Variants in SORCS2 observed in about 807,000 individuals in gnomAD.
SORCS2 encodes sortilin related VPS10 domain containing receptor 2, also known as VPS10 domain-containing receptor SorCS2.
In SORCS2, 100 loss-of-function variants were observed where a neutral mutation model predicts 141.6. The observed-to-expected ratio is 0.71, with a 90% CI of 0.60 to 0.83. The LOEUF is 0.83. Among genes scored for constraint, SORCS2 ranks in the 40% least tolerant of loss-of-function variants. The pLI, the probability that SORCS2 is intolerant of heterozygous loss-of-function variation, is 0.00. For missense variants in SORCS2, 1,646 were observed against 1,560.2 expected, an observed-to-expected ratio of 1.05 and a Z score of -0.93; for synonymous variants, 789 against 676.9, an observed-to-expected ratio of 1.17 and a Z score of -2.57.
At chr4:7,391,720 C>G (rs573628799) in intron 1 of SORCS2, among the ~76,000 whole-genome samples, 2 of 152,166 alleles carry the variant, frequency 1.3e-5, no homozygotes, top group Non-Finnish European at 2.9e-5. Context: ...CCCGCCAAAC[C>G]CTTTCTTTTC....
intron 1 of SORCS2, among the ~76,000 whole-genome samples, chr4:7,231,772 C>T (rs1010859378): frequency 6.6e-6 from 1 of 152,118 alleles, no homozygotes; most frequent in Non-Finnish European, 1.5e-5. Context: ...GGCCTTTGCA[C>T]TTTAGGAATG....
At chr4:7,563,396 G>A (rs1714742398) in intron 3 of SORCS2, among the ~76,000 whole-genome samples, 1 of 152,138 alleles carries the variant, frequency 6.6e-6, no homozygotes, top group Admixed American at 6.5e-5. Context: ...GGGAGTAAGT[G>A]ACCTACCCAG....
At chr4:7,420,817 C>T (rs558045394) in intron 2 of SORCS2, among the ~76,000 whole-genome samples, 12 of 152,192 alleles carry the variant, frequency 7.9e-5, no homozygotes, top group African/African-American at 1.2e-4. Flanking sequence ...CGCCTGCCAC[C>T]GTCACAAGCT....
intron 3 of SORCS2, among the ~76,000 whole-genome samples, chr4:7,610,967 C>T (rs1353585515): frequency 6.6e-6 from 1 of 152,160 alleles, no homozygotes; most frequent in Non-Finnish European, 1.5e-5. Flanking sequence ...TCAACATCTC[C>T]AGGCATCAGC....
chr4:7,558,678 G>A (rs546501979), intron 3 of SORCS2, among the ~76,000 whole-genome samples: 34 of 152,320 alleles, frequency 2.2e-4, no homozygotes, highest in African/African-American at 5.8e-4. Context: ...GCCCTGCACC[G>A]CTATCCTGTG....
At chr4:7,676,820 T>C (rs1288497645) in intron 9 of SORCS2, among the ~76,000 whole-genome samples, 1 of 110,526 alleles carries the variant, frequency 9.0e-6, no homozygotes, top group Non-Finnish European at 1.9e-5. Flanking sequence ...TCTCTCTCTC[T>C]CTCTCTCTCC....
Position 7,286,166 on chromosome 4 carries a change from C to T in SORCS2, c.480+93040C>T, listed in dbSNP as rs1176480264. On this transcript the variant is annotated intron_variant, in intron 1 of 26. Transcript: ENST00000507866. This position sits in a 1 kb window ranked among gnomAD's most constrained non-coding sequence, Gnocchi z 4.1. ...GTAAACAGTCTCCTAGAGTCTCCAG[C>T]TGGGTCTCCAGGCCTGTGCCGGTCC... Among the ~76,000 whole-genome samples the T allele has an allele frequency of 1.3e-5, 2 of 152,228 alleles. No homozygotes were observed. Among genetic ancestry groups the T allele is most frequent in the African/African-American group, 4.8e-5 (2 of 41,460 alleles).
intron 3 of SORCS2, among the ~76,000 whole-genome samples, chr4:7,564,979 G>A (rs551048150): frequency 5.3e-5 from 8 of 152,202 alleles, no homozygotes; most frequent in South Asian, 4.2e-4. Context: ...AATGAGATGC[G>A]GTGCACCGGC....
intron 3 of SORCS2, among the ~76,000 whole-genome samples, chr4:7,568,433 T>C (rs1283344012): frequency 1.3e-5 from 2 of 152,236 alleles, no homozygotes; most frequent in African/African-American, 2.4e-5. Context: ...TCTTCACCAC[T>C]GCTTAATGAC....
chr4:7,689,230 A>G (rs929265), intron 10 of SORCS2, among the ~76,000 whole-genome samples: 116,861 of 151,970 alleles, frequency 0.77, 45,238 homozygotes, highest in East Asian at 0.92. Context: ...AGATCCTCCC[A>G]GGTGCCTCAC....
At chr4:7,579,511 A>G (rs1326224023) in intron 3 of SORCS2, among the ~76,000 whole-genome samples, 1 of 152,124 alleles carries the variant, frequency 6.6e-6, no homozygotes. Context: ...AGGAGCCAGG[A>G]CTGGAACCCT....
At chr4:7,671,926 G>C (rs1367623606) in intron 8 of SORCS2, among the ~76,000 whole-genome samples, 1 of 149,276 alleles carries the variant, frequency 6.7e-6, no homozygotes, top group Non-Finnish European at 1.5e-5. Flanking sequence ...TAACCAAACT[G>C]TCAAAAGACA....
chr4:7,578,111 TC>T (rs2108753961), intron 3 of SORCS2, among the ~76,000 whole-genome samples: 1 of 152,332 alleles, frequency 6.6e-6, no homozygotes, highest in African/African-American at 2.4e-5. Context: ...TAATGTCCTC[TC>T]AGGATTGAGT....
chr4:7,483,322 CAAAAAA>C (rs34942012), intron 2 of SORCS2, among the ~76,000 whole-genome samples: 1 of 75,790 alleles, frequency 1.3e-5, no homozygotes, highest in Admixed American at 1.5e-4. Context: ...GACTCCATCT[CAAAAAA>C]AAAAAAAAAA....
At chr4:7,325,906 T>G (rs1719225934) in intron 1 of SORCS2, among the ~76,000 whole-genome samples, 1 of 151,708 alleles carries the variant, frequency 6.6e-6, no homozygotes, top group African/African-American at 2.4e-5. Flanking sequence ...GGGGCGGAGT[T>G]GGGGGGTTGG....
intron 2 of SORCS2, among the ~76,000 whole-genome samples, chr4:7,521,687 G>C (rs1733340285): frequency 6.6e-6 from 1 of 152,216 alleles, no homozygotes; most frequent in African/African-American, 2.4e-5. Context: ...TGCAGCACCT[G>C]TCACCTCTGC....
chr4:7,489,652 T>C (rs1164099083), intron 2 of SORCS2, among the ~76,000 whole-genome samples: 1 of 152,232 alleles, frequency 6.6e-6, no homozygotes, highest in Non-Finnish European at 1.5e-5. Context: ...AAATCCTGTC[T>C]GTGCATGAAA....
chr4:7,518,650 A>G (rs1227838395), intron 2 of SORCS2, among the ~76,000 whole-genome samples: 1 of 152,100 alleles, frequency 6.6e-6, no homozygotes, highest in African/African-American at 2.4e-5. Context: ...AGCGGGAGAA[A>G]GAGGTAACTA....
intron 3 of SORCS2, among the ~76,000 whole-genome samples, chr4:7,532,140 C>T (rs551836245): frequency 3.9e-5 from 6 of 152,100 alleles, no homozygotes; most frequent in East Asian, 1.9e-4. Flanking sequence ...GGGGTCTTTC[C>T]GAGGCTACCC....
Sources: allele counts gnomAD v4.1 joint callset (sites outside exome capture counted in the v4.1 genomes callset), GRCh38; gene constraint gnomAD v4.1.1; non-coding constraint Gnocchi (gnomAD v3.1); transcripts MANE v1.5; gene names NCBI Gene and HGNC (gene_info 2026-07-23, HGNC 2026-07-21).